The following SCLY variants were observed in gnomAD, a reference collection of about 807,000 sequenced individuals.
The protein encoded by SCLY is putative selenocysteine lyase.
Under a neutral mutation model 50.1 loss-of-function variants are expected in SCLY, and 38 were observed. The ratio of observed to expected loss-of-function variants is 0.76; its 90% CI spans 0.59 to 0.99. The LOEUF is 0.99. Ranked by LOEUF, SCLY falls within the 50% of genes least tolerant of loss-of-function variation. The probability of loss-of-function intolerance (pLI) is 0.00; values close to 1 mark genes in which losing one functional copy is unlikely to be tolerated. For synonymous variants in SCLY, 243 were observed against 249.4 expected (o/e 0.97, Z 0.24); for missense variants, 600 against 620.0 (o/e 0.97, Z 0.34).
chr2:238,094,541 G>C lies in SCLY; in HGVS notation c.1108+19G>C. 2 of 1,595,406 alleles carry C rather than the reference G, an allele frequency of 1.3e-6. No individual in the cohort carries two copies. The highest frequency in any genetic ancestry group is 1.1e-5 in the South Asian group (1 of 90,684). On this transcript the variant is annotated intron_variant, in intron 10 of 11. Transcript: ENST00000254663. ...CTTCAAGGTGATGGCCCCTCACCCT[G>C]GTCTTTCCGAGTGTGAGCACAGCTC...
At position 238,086,708 on chromosome 2, in the gene SCLY, T is replaced by TA. The variant is rs386393003; in HGVS notation, c.884+3374dup. 5.0e-3 allele frequency among the ~76,000 whole-genome samples: 490 copies of TA among 97,680 alleles called. 10 individuals are homozygous for TA. Among genetic ancestry groups the TA allele is most frequent in the African/African-American group, 0.014 (314 of 23,068 alleles). 64.1% of individuals were successfully genotyped at this position (97,680 alleles called of 152,430 possible). On this transcript the variant is annotated intron_variant, in intron 7 of 11. Coordinates refer to ENST00000254663, the MANE Select transcript of SCLY (RefSeq NM_016510.7). The stretch of plus-strand genomic sequence containing the variant: ...GCAACAGAGCAAGACCCTGTCTCTT[T>TA]AAAAAAAAAAAAAAAAAAAAGACAA...
intron 8 of SCLY, chr2:238,091,550 C>CTGGCT: frequency 4.2e-5 from 17 of 408,630 alleles, no homozygotes; most frequent in Admixed American, 1.9e-4. Flanking sequence ...GCAGGTTCAC[C>CTGGCT]ATTCCCAAAG....
intron 11 of SCLY, among the ~76,000 whole-genome samples, chr2:238,097,284 CT>C (rs2065448270): frequency 6.6e-6 from 1 of 152,196 alleles, no homozygotes; most frequent in Admixed American, 6.5e-5. Context: ...GATCAGCCAT[CT>C]GCAAGATGCA....
chr2:238,078,383 A>G (rs1377505310), intron 4 of SCLY, among the ~76,000 whole-genome samples: 1 of 152,128 alleles, frequency 6.6e-6, no homozygotes, highest in Admixed American at 6.6e-5. Flanking sequence ...GATGTCTCAT[A>G]TATTTTTTGT....
rs766357583 is a variant in SCLY at position 238,069,281 on chromosome 2, T to C, written c.304-16T>C. 1 of 1,610,294 alleles carries C rather than the reference T, an allele frequency of 6.2e-7. No individual in the cohort carries two copies. Among genetic ancestry groups the C allele is most frequent in the Non-Finnish European group, 8.5e-7 (1 of 1,178,700 alleles). On this transcript the variant is annotated splice_polypyrimidine_tract_variant and intron_variant, in intron 3 of 11. Transcript: ENST00000254663. This position sits in a 1 kb window ranked among gnomAD's most constrained non-coding sequence, Gnocchi z 5.0. Reference sequence around the variant, plus strand: ...GCACAGTTTTTGTAAATGCTTTTTTTGCTGTATCTCTGCAGTCAAATAATT... The same window carrying C: ...GCACAGTTTTTGTAAATGCTTTTTTCGCTGTATCTCTGCAGTCAAATAATT...
In SCLY at chr2:238,091,201, T is replaced by TC. The variant is rs1163834751; in HGVS notation, c.885-14dup. On this transcript the variant is annotated splice_polypyrimidine_tract_variant and intron_variant, in intron 7 of 11. Transcript: ENST00000254663. ...GAGACATTTGTTTATTCTTGCTTAA[T>TC]CCCTTGTTTCTTACAGGACAGAGAA... The TC allele has an allele frequency of 6.2e-7, 1 of 1,609,578 alleles. No homozygotes were observed. The highest frequency in any genetic ancestry group is 1.7e-5 in the Admixed American group (1 of 59,992).
intron 1 of SCLY, among the ~76,000 whole-genome samples, chr2:238,062,406 AT>A (rs11335455): frequency 0.45 from 65,659 of 145,216 alleles, 14,843 homozygotes; most frequent in East Asian, 0.51. Flanking sequence ...CTATTGAGTG[AT>A]TTTTTTTTTT....
chr2:238,091,545 TTCA>T, intron 8 of SCLY: 25 of 344,106 alleles, frequency 7.3e-5, no homozygotes, highest in South Asian at 1.9e-4. Flanking sequence ...AAGCTGCAGG[TTCA>T]CCATTCCCAA....
chr2:238,084,567 G>A (rs1271777351), intron 7 of SCLY, among the ~76,000 whole-genome samples: 27 of 128,064 alleles, frequency 2.1e-4, no homozygotes, highest in African/African-American at 8.0e-4. Context: ...CTTCAGTCTG[G>A]GTGACAGAAC....
At chr2:238,091,550 C>CAACTG in intron 8 of SCLY, 11 of 408,642 alleles carry the variant, frequency 2.7e-5, no homozygotes, top group Admixed American at 7.5e-5. Flanking sequence ...GCAGGTTCAC[C>CAACTG]ATTCCCAAAG....
At chr2:238,085,779 C>G (rs758656279) in intron 7 of SCLY, among the ~76,000 whole-genome samples, 34 of 152,042 alleles carry the variant, frequency 2.2e-4, no homozygotes, top group African/African-American at 8.0e-4. Context: ...GAGACGATAA[C>G]AAATGATATA....
At position 238,083,764 on chromosome 2, in the gene SCLY, G is replaced by A. The variant is rs1474530629; in HGVS notation, c.884+410G>A. ...GTGTCCCCTCTATGTATAGTGACGT[G>A]TTAACTGGGAAATTAGTTGTTGCCC... On this transcript the variant is annotated intron_variant, in intron 7 of 11. Transcript: ENST00000254663. The surrounding 1 kb of genome is among the most constrained non-coding windows in gnomAD (Gnocchi z 4.3). Among the ~76,000 whole-genome samples the A allele has an allele frequency of 6.6e-6, 1 of 152,168 alleles. No individual in the cohort carries two copies. The highest frequency in any genetic ancestry group is 1.5e-5 in the Non-Finnish European group (1 of 68,036).
chr2:238,099,040 C>T lies in SCLY; in HGVS notation c.*685C>T, dbSNP rs974008642. On this transcript the variant is annotated 3_prime_UTR_variant, in exon 12 of 12. Coordinates refer to ENST00000254663, the MANE Select transcript of SCLY (RefSeq NM_016510.7). ...CTGCTTCCCCGAGCCTGACCCTGTT[C>T]CGCCCACTGGCAATCAGGGCTGCGC... is the stretch of plus-strand genomic sequence containing the variant. The T allele has an allele frequency of 4.0e-5, 14 of 347,090 alleles. 1 individual carries two copies. Among genetic ancestry groups the T allele is most frequent in the Non-Finnish European group, 7.9e-5 (14 of 177,852 alleles). The allele number at this position is 347,090 out of a possible 1,614,324, so 21.5% of individuals were successfully genotyped here. A position where few individuals can be genotyped will look rare whatever the true frequency, so the allele number is the denominator to read the frequency against.
rs911425099 is a variant in SCLY at position 238,099,124 on chromosome 2, T to C, written c.*769T>C. ...CTTGTCCCTTTTGATCATTATTAAC[T>C]CAGGGTTTCAGCTCCAACCTCGCTG... On this transcript the variant is annotated 3_prime_UTR_variant, in exon 12 of 12. Coordinates refer to ENST00000254663, the MANE Select transcript of SCLY (RefSeq NM_016510.7). 1 of 398,676 alleles carries C rather than the reference T, an allele frequency of 2.5e-6. No individual in the cohort carries two copies. Among genetic ancestry groups the C allele is most frequent in the African/African-American group, 2.1e-5 (1 of 47,382 alleles). The allele number at this position is 398,676 out of a possible 1,614,324, so 24.7% of individuals were successfully genotyped here. A position where few individuals can be genotyped will look rare whatever the true frequency, so the allele number is the denominator to read the frequency against.
At chr2:238,076,653 A>G (rs954452876) in intron 4 of SCLY, among the ~76,000 whole-genome samples, 4 of 150,348 alleles carry the variant, frequency 2.7e-5, no homozygotes, top group Non-Finnish European at 5.9e-5. Flanking sequence ...TCCCTCCACT[A>G]TTGTCCCATG....
Position 238,098,609 on chromosome 2 carries a change from C to CGCCCACATAGGAACGCCCACATGGGAA in SCLY, c.*254_*255insGCCCACATAGGAACGCCCACATGGGAA, listed in dbSNP as rs1691320056. On this transcript the variant is annotated 3_prime_UTR_variant, in exon 12 of 12. Transcript: ENST00000254663. ...CCCACATAGGACCGCCCACATAGGA[C>CGCCCACATAGGAACGCCCACATGGGAA]CGCCCACATGGGACCGCCCACATGG... is the stretch of plus-strand genomic sequence containing the variant. The CGCCCACATAGGAACGCCCACATGGGAA allele has an allele frequency of 2.9e-6, 1 of 349,718 alleles. No homozygotes were observed. Among genetic ancestry groups the CGCCCACATAGGAACGCCCACATGGGAA allele is most frequent in the African/African-American group, 3.6e-5 (1 of 27,512 alleles). The allele number at this position is 349,718 out of a possible 1,614,324, so 21.7% of individuals were successfully genotyped here.
intron 4 of SCLY, among the ~76,000 whole-genome samples, chr2:238,077,393 A>G (rs770936348): frequency 7.9e-5 from 12 of 152,202 alleles, no homozygotes; most frequent in Non-Finnish European, 1.2e-4. Flanking sequence ...ACATGTTGTA[A>G]TACACTGTTA....
At chr2:238,079,058 CTTTCTTTTTCTTT>C (rs2065204324) in intron 4 of SCLY, 2 of 129,164 alleles carry the variant, frequency 1.5e-5, no homozygotes, top group Non-Finnish European at 3.2e-5. Flanking sequence ...TTCTTTCTTT[CTTTCTTTTTCTTT>C]TTTTTTTTTT....
chr2:238,094,025 A>AGACCCCAG, intron 9 of SCLY, 81 bp downstream of exon 9: 1 of 1,248,886 alleles, frequency 8.0e-7, no homozygotes, highest in South Asian at 1.3e-5. Flanking sequence ...TGGTGCTCCC[A>AGACCCCAG]GACCCCAGGA....
Sources: allele counts gnomAD v4.1 joint callset (sites outside exome capture counted in the v4.1 genomes callset), GRCh38; gene constraint gnomAD v4.1.1; non-coding constraint Gnocchi (gnomAD v3.1); transcripts MANE v1.5; gene names NCBI Gene and HGNC (gene_info 2026-07-23, HGNC 2026-07-21).